The following TAFA1 variants were observed in gnomAD, a reference collection of about 807,000 sequenced individuals.
TAFA1 encodes chemokine-like protein TAFA-1.
Under a neutral mutation model 18.5 loss-of-function variants are expected in TAFA1, and 4 were observed. The ratio of observed to expected loss-of-function variants is 0.22; its 90% confidence interval spans 0.11 to 0.49. TAFA1 has a LOEUF of 0.49. Ranked by LOEUF, TAFA1 falls within the 20% of genes least tolerant of loss-of-function variation. TAFA1 has a pLI of 0.98. For missense variants in TAFA1, 147 were observed against 169.0 expected (o/e 0.87, Z 0.72); for synonymous variants, 56 against 55.2 (o/e 1.01, Z -0.06).
chr3:68,229,824 C>T (rs1226193479), intron 2 of TAFA1, among the ~76,000 whole-genome samples: 1 of 152,150 alleles, frequency 6.6e-6, no homozygotes, highest in Admixed American at 6.5e-5. Flanking sequence ...CCTTAAGGCT[C>T]AGTTTCTTCA....
chr3:68,118,420 C>T (rs1330108909), intron 2 of TAFA1, among the ~76,000 whole-genome samples: 1 of 152,090 alleles, frequency 6.6e-6, no homozygotes, highest in Non-Finnish European at 1.5e-5. Context: ...GCTCACCTGC[C>T]GCTCACCTCC....
intron 2 of TAFA1, among the ~76,000 whole-genome samples, chr3:68,026,630 T>G (rs1485078995): frequency 6.6e-6 from 1 of 152,036 alleles, no homozygotes; most frequent in East Asian, 1.9e-4. Flanking sequence ...GTTTTTCAGA[T>G]GAGGAGATAG....
chr3:68,005,469 G>A (rs567924288), intron 1 of TAFA1, among the ~76,000 whole-genome samples: 2 of 152,242 alleles, frequency 1.3e-5, no homozygotes, highest in Admixed American at 6.5e-5. Context: ...ACAAATTAGC[G>A]TGCATTATGT....
intron 3 of TAFA1, among the ~76,000 whole-genome samples, chr3:68,527,217 T>A (rs915212006): frequency 6.6e-6 from 1 of 152,082 alleles, no homozygotes; most frequent in South Asian, 2.1e-4. Context: ...AGATTAAAAG[T>A]ATAGAATAAG....
chr3:68,362,658 C>T (rs2069490229), intron 2 of TAFA1, among the ~76,000 whole-genome samples: 1 of 152,086 alleles, frequency 6.6e-6, no homozygotes. Context: ...TCAACCCTTC[C>T]TGCAGTGAAT....
At chr3:68,152,505 A>T (rs2065818274) in intron 2 of TAFA1, among the ~76,000 whole-genome samples, 1 of 152,142 alleles carries the variant, frequency 6.6e-6, no homozygotes, top group East Asian at 1.9e-4. Context: ...ATACCACAGA[A>T]ATCTGACCCT....
intron 2 of TAFA1, among the ~76,000 whole-genome samples, chr3:68,214,851 A>G (rs1321013404): frequency 6.6e-6 from 1 of 151,912 alleles, no homozygotes; most frequent in East Asian, 1.9e-4. Flanking sequence ...AATACACATC[A>G]ATTTTTTTTA....
At chr3:68,010,819 C>T (rs1351957) in intron 2 of TAFA1, among the ~76,000 whole-genome samples, 7,670 of 152,094 alleles carry the variant, frequency 0.05, 351 homozygotes, top group East Asian at 0.13. Flanking sequence ...TAGGAAATTA[C>T]CCTAAAAACT....
chr3:68,053,080 C>T (rs1378611081), intron 2 of TAFA1, among the ~76,000 whole-genome samples: 1 of 152,144 alleles, frequency 6.6e-6, no homozygotes, highest in African/African-American at 2.4e-5. Flanking sequence ...ATCAGATTAC[C>T]CCTGGAGTAT....
At chr3:68,213,649 C>A (rs9866330) in intron 2 of TAFA1, among the ~76,000 whole-genome samples, 1 of 152,000 alleles carries the variant, frequency 6.6e-6, no homozygotes, top group Non-Finnish European at 1.5e-5. Context: ...CCACACCCAG[C>A]CAGGAAGATG....
chr3:68,077,874 G>A (rs1559511416), intron 2 of TAFA1, among the ~76,000 whole-genome samples: 1 of 152,060 alleles, frequency 6.6e-6, no homozygotes, highest in Admixed American at 6.5e-5. Flanking sequence ...GATGGGGATG[G>A]CATTGAATCT....
intron 2 of TAFA1, among the ~76,000 whole-genome samples, chr3:68,298,300 G>A (rs978912410): frequency 2.6e-5 from 4 of 152,124 alleles, no homozygotes; most frequent in African/African-American, 9.7e-5. Context: ...TTTGGACTAC[G>A]GAAGTGAGGG....
At chr3:68,448,993 G>A (rs1024777229) in intron 3 of TAFA1, among the ~76,000 whole-genome samples, 4 of 152,108 alleles carry the variant, frequency 2.6e-5, no homozygotes, top group African/African-American at 7.2e-5. Flanking sequence ...CATTAGTGCT[G>A]TTTAAAAAAA....
At chr3:68,251,447 T>C (rs2067193766) in intron 2 of TAFA1, among the ~76,000 whole-genome samples, 1 of 152,236 alleles carries the variant, frequency 6.6e-6, no homozygotes, top group Admixed American at 6.5e-5. Context: ...ATTCATTCAT[T>C]GCATGCCCAC....
At chr3:68,333,312 G>A (rs184760179) in intron 2 of TAFA1, among the ~76,000 whole-genome samples, 15 of 152,288 alleles carry the variant, frequency 9.8e-5, no homozygotes, top group East Asian at 3.9e-4. Flanking sequence ...ACTACTGCAC[G>A]TAGTGAGATG....
intron 2 of TAFA1, among the ~76,000 whole-genome samples, chr3:68,043,352 T>G (rs927410738): frequency 6.6e-6 from 1 of 152,234 alleles, no homozygotes; most frequent in Non-Finnish European, 1.5e-5. Flanking sequence ...GTCTTTGCAA[T>G]AATTTATTAT....
chr3:68,350,539 T>C (rs568975920), intron 2 of TAFA1, among the ~76,000 whole-genome samples: 7 of 152,266 alleles, frequency 4.6e-5, no homozygotes, highest in African/African-American at 1.7e-4. Flanking sequence ...GGATCTGCAT[T>C]TTTAAAAAGT....
chr3:68,118,586 G>A (rs2065350921), intron 2 of TAFA1, among the ~76,000 whole-genome samples: 1 of 151,984 alleles, frequency 6.6e-6, no homozygotes, highest in Admixed American at 6.6e-5. Flanking sequence ...CTATACATTC[G>A]ACTACTGTAG....
At chr3:68,445,711 G>C (rs1352035671) in intron 3 of TAFA1, among the ~76,000 whole-genome samples, 2 of 152,102 alleles carry the variant, frequency 1.3e-5, no homozygotes, top group African/African-American at 4.8e-5. Flanking sequence ...AGATGATTGG[G>C]CCTCATCTTC....
Sources: gnomAD v4.1 joint callset for allele counts (sites outside exome capture counted in the v4.1 genomes callset) on GRCh38, gnomAD v4.1.1 for gene constraint, MANE v1.5 for transcripts, NCBI Gene and HGNC (gene_info 2026-07-23, HGNC 2026-07-21) for gene names.